Variants in FANCE observed in about 807,000 individuals in gnomAD.
FANCE encodes Fanconi anemia group E protein.
In FANCE, 42 loss-of-function variants were observed where a neutral mutation model predicts 57.8. The ratio of observed to expected loss-of-function variants is 0.73; its 90% confidence interval spans 0.57 to 0.94. FANCE has a LOEUF of 0.94. Ranked by LOEUF, FANCE falls within the 40% of genes least tolerant of loss-of-function variation. FANCE has a pLI of 0.00. For synonymous variants in FANCE, 251 were observed against 286.4 expected (o/e 0.88, Z 1.25); for missense variants, 608 against 661.8 (o/e 0.92, Z 0.89).
At chr6:35,454,185 C>T (rs1767229870) in intron 1 of FANCE, among the ~76,000 whole-genome samples, 3 of 152,234 alleles carry the variant, frequency 2.0e-5, no homozygotes, top group Admixed American at 2.0e-4. Context: ...CCCCAGCCTC[C>T]TGAGTAGCTG....
At chr6:35,461,568 C>T (rs1185812815) in intron 8 of FANCE, among the ~76,000 whole-genome samples, 2 of 152,014 alleles carry the variant, frequency 1.3e-5, no homozygotes, top group Non-Finnish European at 2.9e-5. Flanking sequence ...TTTTACTTCA[C>T]AGTATATTTT....
chr6:35,452,533 C>A lies in FANCE; in HGVS notation c.-13C>A. ...CACCAGAGTAGGGGGCGGCGCGGCA[C>A]CCGTGCCCCGGCATGGCGACACCGG... On this transcript the variant is annotated 5_prime_UTR_variant, in exon 1 of 10. Transcript: ENST00000229769. 1 of 1,300,800 alleles carries A rather than the reference C, an allele frequency of 7.7e-7. No individual in the cohort carries two copies. The allele number at this position is 1,300,800 out of a possible 1,614,324, so 80.6% of individuals were successfully genotyped here.
At chr6:35,464,432 T>C (rs929246709) in intron 9 of FANCE, among the ~76,000 whole-genome samples, 4 of 151,692 alleles carry the variant, frequency 2.6e-5, no homozygotes, top group African/African-American at 9.7e-5. Context: ...AGAGATGGGG[T>C]TTCACCCTGT....
At chr6:35,452,937 C>G in intron 1 of FANCE, 144 bp downstream of exon 1, 1 of 879,760 alleles carries the variant, frequency 1.1e-6, no homozygotes, top group Non-Finnish European at 1.5e-6. Context: ...TGAGCACTTG[C>G]TGTGTGCGGG....
At chr6:35,459,650 C>G (rs774433312) in intron 6 of FANCE, 32 bp from the exon 7 acceptor site, 17 of 1,610,570 alleles carry the variant, frequency 1.1e-5, no homozygotes, top group Non-Finnish European at 1.4e-5. Context: ...CCATTTCCCC[C>G]CAGACTTCCC....
chr6:35,462,325 T>A (rs1186597831), intron 8 of FANCE, among the ~76,000 whole-genome samples: 1 of 151,830 alleles, frequency 6.6e-6, no homozygotes, highest in East Asian at 1.9e-4. Context: ...CAGGCTGGTC[T>A]GGAACTCCTG....
intron 9 of FANCE, among the ~76,000 whole-genome samples, chr6:35,464,728 CTTTTTTTTT>C (rs59541412): frequency 9.3e-6 from 1 of 107,824 alleles, no homozygotes. Flanking sequence ...GAGAGATATT[CTTTTTTTTT>C]TTTTTTTTTT....
Position 35,459,774 on chromosome 6 carries a change from C to G in FANCE, c.1316+14C>G. 1 of 1,611,154 alleles carries G rather than the reference C, an allele frequency of 6.2e-7. No homozygotes were observed. Among genetic ancestry groups the G allele is most frequent in the Non-Finnish European group, 8.5e-7 (1 of 1,177,294 alleles). On this transcript the variant is annotated intron_variant, in intron 7 of 9. Coordinates refer to ENST00000229769, the MANE Select transcript of FANCE (RefSeq NM_021922.3). ...TCTAATGCTGGGGTGAGTGTGCAGG[C>G]CTCCGTGCTGTCCCCACTGCCACCT...
intron 3 of FANCE, among the ~76,000 whole-genome samples, 153 bp downstream of exon 3, chr6:35,457,753 T>C (rs993750403): frequency 6.6e-6 from 1 of 152,180 alleles, no homozygotes; most frequent in African/African-American, 2.4e-5. Context: ...AAGGAGCTTT[T>C]CTTGAACCAA....
Position 35,459,614 on chromosome 6 carries a change from G to A in FANCE, c.1238-68G>A, listed in dbSNP as rs767772525. 33 of 1,580,816 alleles carry A rather than the reference G, an allele frequency of 2.1e-5. 1 individual carries two copies. Among genetic ancestry groups the A allele is most frequent in the African/African-American group, 9.4e-5 (7 of 74,198 alleles). ...GTAACAGGCTGGGCATTCTGTTACC[G>A]CCTCCCTGCTTTCTGCTGTCTTCTG... On this transcript the variant is annotated intron_variant, in intron 6 of 9. Transcript: ENST00000229769.
chr6:35,458,156 C>T lies in FANCE; in HGVS notation c.970-141C>T. 2.3e-6 allele frequency: 3 copies of T among 1,310,390 alleles called. No homozygotes were observed. In the Admixed American group the frequency reaches 5.3e-5, roughly 23 times the overall value. 81.2% of individuals were successfully genotyped at this position (1,310,390 alleles called of 1,614,324 possible). ...AGTATCTTTTAGCCCTTGGTTCCTTCCCCTAGGGCAGCTCTCCCAGACTTT... is the reference window on the plus strand; with the variant it reads ...AGTATCTTTTAGCCCTTGGTTCCTTTCCCTAGGGCAGCTCTCCCAGACTTT... On this transcript the variant is annotated intron_variant, in intron 4 of 9. Transcript: ENST00000229769.
rs755967674 is a variant in FANCE, at chr6:35,462,749, C to G, written c.1384-40C>G. On this transcript the variant is annotated intron_variant, in intron 8 of 9. Coordinates refer to ENST00000229769, the MANE Select transcript of FANCE (RefSeq NM_021922.3). ...GGACTGGCTGAATGAAGAGCCCAAG[C>G]CTTTCTTGTGATTACTGCTCCATCT... is the stretch of plus-strand genomic sequence containing the variant. 9.9e-6 allele frequency: 16 copies of G among 1,613,380 alleles called. No homozygotes were observed. The African/African-American group carries it at 1.7e-4, about 18-fold the overall frequency.
chr6:35,458,066 T>A, intron 4 of FANCE, 82 bp downstream of exon 4: 1 of 1,401,722 alleles, frequency 7.1e-7, no homozygotes, highest in Non-Finnish European at 1.0e-6. Flanking sequence ...TTTTCCTACC[T>A]CATGTGGGAA....
chr6:35,457,652 AC>A, intron 3 of FANCE, 52 bp downstream of exon 3: 1 of 1,595,852 alleles, frequency 6.3e-7, no homozygotes, highest in Admixed American at 1.7e-5. Flanking sequence ...TTCTACCCAG[AC>A]CCCAACTATG....
intron 9 of FANCE, 70 bp from the exon 10 acceptor site, chr6:35,466,174 C>T (rs1215796255): frequency 7.3e-6 from 7 of 957,468 alleles, no homozygotes; most frequent in African/African-American, 3.2e-5. Context: ...CTCAATAGAG[C>T]CCCTGGGGTA....
chr6:35,465,862 G>T (rs957245730), intron 9 of FANCE, among the ~76,000 whole-genome samples: 1 of 152,216 alleles, frequency 6.6e-6, no homozygotes. Flanking sequence ...AAGGAAGGTA[G>T]CTGTCACAGT....
intron 1 of FANCE, among the ~76,000 whole-genome samples, 175 bp from the exon 2 acceptor site, chr6:35,455,572 A>T (rs1561788740): frequency 6.6e-6 from 1 of 151,962 alleles, no homozygotes; most frequent in Non-Finnish European, 1.5e-5. Flanking sequence ...CAGCCTCCCA[A>T]AATGCTATAA....
At chr6:35,453,192 A>G (rs981731840) in intron 1 of FANCE, among the ~76,000 whole-genome samples, 3 of 152,230 alleles carry the variant, frequency 2.0e-5, no homozygotes, top group African/African-American at 7.2e-5. Flanking sequence ...TGGTGGCTGT[A>G]TGCTCTGCTT....
In FANCE at chr6:35,457,484, G is replaced by A; in HGVS notation, c.856-72G>A. The stretch of plus-strand genomic sequence containing the variant: ...ACTGACCTGGGGCCTTTTCAGTAGG[G>A]GGAGCCAGAACCGGGCTTGGGGTCA... On this transcript the variant is annotated intron_variant, in intron 2 of 9. Transcript: ENST00000229769. The A allele has an allele frequency of 4.5e-6, 7 of 1,560,156 alleles. No homozygotes were observed. In the South Asian group the frequency reaches 5.6e-5, roughly 12 times the overall value.
Sources: allele counts gnomAD v4.1 joint callset (sites outside exome capture counted in the v4.1 genomes callset), GRCh38; gene constraint gnomAD v4.1.1; transcripts MANE v1.5; gene names NCBI Gene and HGNC (gene_info 2026-07-23, HGNC 2026-07-21).